TNFSF4: variants seen among roughly 807,000 people sequenced by gnomAD.
TNFSF4 encodes tumor necrosis factor ligand superfamily member 4.
In TNFSF4, 4 loss-of-function variants were observed where a neutral mutation model predicts 7.3. The ratio of observed to expected loss-of-function variants is 0.55; its 90% CI spans 0.27 to 1.25. TNFSF4 has a LOEUF of 1.25. Ranked by LOEUF, TNFSF4 falls within the 50% of genes most tolerant of loss-of-function variation. TNFSF4 has a pLI of 0.12. For missense variants in TNFSF4, 181 were observed against 208.8 expected (o/e 0.87, Z 0.82); for synonymous variants, 76 against 83.7 (o/e 0.91, Z 0.50).
the TNFSF4 span, among the ~76,000 whole-genome samples, chr1:173,249,615 A>G: frequency 6.6e-6 from 1 of 152,350 alleles, no homozygotes; most frequent in East Asian, 1.9e-4. Context: ...GGACCTGGGC[A>G]GGGCACTCAT....
At chr1:173,197,380 G>A (rs997993954) in intron 1 of TNFSF4, among the ~76,000 whole-genome samples, 7 of 152,174 alleles carry the variant, frequency 4.6e-5, no homozygotes, top group African/African-American at 1.7e-4. Context: ...AAAGGTACAT[G>A]CACACATATG....
the TNFSF4 span, among the ~76,000 whole-genome samples, chr1:173,383,297 A>G: frequency 3.3e-5 from 5 of 152,242 alleles, no homozygotes; most frequent in African/African-American, 9.6e-5. Flanking sequence ...GCATGTGTTC[A>G]GAGAAATAGG....
chr1:173,434,156 A>T, the TNFSF4 span, among the ~76,000 whole-genome samples: 1 of 152,236 alleles, frequency 6.6e-6, no homozygotes, highest in Non-Finnish European at 1.5e-5. Context: ...ACTTTTCTGC[A>T]GTGTCATCTG....
the TNFSF4 span, among the ~76,000 whole-genome samples, chr1:173,175,862 C>T: frequency 1.1e-4 from 16 of 152,264 alleles, no homozygotes; most frequent in Middle Eastern, 3.4e-3. Context: ...CTTTTGTTGG[C>T]GCATACATGA....
chr1:173,367,377 T>C, the TNFSF4 span, among the ~76,000 whole-genome samples: 2 of 152,222 alleles, frequency 1.3e-5, no homozygotes, highest in Non-Finnish European at 2.9e-5. Flanking sequence ...GGATTCCGTT[T>C]TCTAGAAACC....
At chr1:173,395,592 A>G in the TNFSF4 span, among the ~76,000 whole-genome samples, 1 of 151,604 alleles carries the variant, frequency 6.6e-6, no homozygotes, top group Non-Finnish European at 1.5e-5. Context: ...GCCCTGAAGG[A>G]AGCCATTATT....
the TNFSF4 span, among the ~76,000 whole-genome samples, chr1:173,291,527 G>T: frequency 6.6e-6 from 1 of 152,114 alleles, no homozygotes. Flanking sequence ...ATAGCACAAA[G>T]TGCCTACATC....
the TNFSF4 span, among the ~76,000 whole-genome samples, chr1:173,439,664 A>G: frequency 0.19 from 28,346 of 152,186 alleles, 2,719 homozygotes; most frequent in East Asian, 0.31. Flanking sequence ...AAGTATTGCT[A>G]TAGGTGCCAG....
At chr1:173,266,083 T>C in the TNFSF4 span, among the ~76,000 whole-genome samples, 2 of 152,066 alleles carry the variant, frequency 1.3e-5, no homozygotes, top group South Asian at 4.1e-4. Flanking sequence ...ACAAAGATAA[T>C]CATTAATGAA....
chr1:173,397,229 G>A, the TNFSF4 span, among the ~76,000 whole-genome samples: 1 of 152,172 alleles, frequency 6.6e-6, no homozygotes, highest in Non-Finnish European at 1.5e-5. Flanking sequence ...TAAAAACAGA[G>A]AGCCAAACCC....
the TNFSF4 span, among the ~76,000 whole-genome samples, chr1:173,278,760 A>C: frequency 1.3e-5 from 2 of 152,096 alleles, no homozygotes; most frequent in African/African-American, 4.8e-5. Flanking sequence ...TCCAGCTACC[A>C]GAAGCATTCT....
the TNFSF4 span, among the ~76,000 whole-genome samples, chr1:173,444,118 C>T: frequency 7.3e-4 from 111 of 152,222 alleles, no homozygotes; most frequent in Middle Eastern, 0.01. Flanking sequence ...CACTTCAAGC[C>T]TTGTCCAAAT....
chr1:173,183,451 T>A (rs1649094343), downstream of TNFSF4, among the ~76,000 whole-genome samples: 1 of 152,134 alleles, frequency 6.6e-6, no homozygotes, highest in Non-Finnish European at 1.5e-5. Flanking sequence ...GGGTTAGAAA[T>A]AAGGTTCTGA....
the TNFSF4 span, among the ~76,000 whole-genome samples, chr1:173,403,000 T>A: frequency 2.6e-5 from 4 of 152,192 alleles, no homozygotes; most frequent in East Asian, 7.7e-4. Flanking sequence ...CCACAGGTGC[T>A]CACCACGATA....
At chr1:173,344,240 G>A in the TNFSF4 span, among the ~76,000 whole-genome samples, 2 of 152,180 alleles carry the variant, frequency 1.3e-5, no homozygotes, top group African/African-American at 2.4e-5. Context: ...ACATTGCAGC[G>A]CACTATTGTA....
At chr1:173,400,516 A>AC in the TNFSF4 span, among the ~76,000 whole-genome samples, 2 of 152,200 alleles carry the variant, frequency 1.3e-5, no homozygotes, top group Non-Finnish European at 2.9e-5. Context: ...AAATGCTTCA[A>AC]CCAGGAGACA....
chr1:173,415,312 G>C, the TNFSF4 span, among the ~76,000 whole-genome samples: 1 of 152,256 alleles, frequency 6.6e-6, no homozygotes, highest in Non-Finnish European at 1.5e-5. Context: ...AGAGGCAAGT[G>C]AGTGGGTGGG....
At chr1:173,395,377 A>AAT in the TNFSF4 span, among the ~76,000 whole-genome samples, 6,213 of 62,172 alleles carry the variant, frequency 0.1, 423 homozygotes, top group South Asian at 0.15. Flanking sequence ...CTGTGTATAT[A>AAT]ATATATATAT....
the TNFSF4 span, among the ~76,000 whole-genome samples, chr1:173,355,631 G>A: frequency 2.6e-5 from 4 of 152,150 alleles, no homozygotes; most frequent in African/African-American, 7.2e-5. Context: ...CCTCCCACAG[G>A]TGAGAAAGTG....
Sources: gnomAD v4.1 joint callset for allele counts (sites outside exome capture counted in the v4.1 genomes callset) on GRCh38, gnomAD v4.1.1 for gene constraint, MANE v1.5 for transcripts, NCBI Gene and HGNC (gene_info 2026-07-23, HGNC 2026-07-21) for gene names.